DNAH10: variants seen among roughly 807,000 people sequenced by gnomAD.
DNAH10 encodes axonemal beta dynein heavy chain 10.
In DNAH10, 348 loss-of-function variants were observed where a neutral mutation model predicts 506.6. That is an observed-to-expected ratio of 0.69 (90% confidence interval 0.63 to 0.75). The LOEUF is 0.75. Ranked by LOEUF, DNAH10 falls within the 30% of genes least tolerant of loss-of-function variation. The probability of loss-of-function intolerance (pLI) is 0.00; values close to 1 mark genes in which losing one functional copy is unlikely to be tolerated. For synonymous variants in DNAH10, 2,059 were observed against 2,198.6 expected (o/e 0.94, Z 1.78); for missense variants, 5,179 against 5,787.1 (o/e 0.89, Z 3.41).
chr12:123,874,834 G>C (rs1163274509), intron 46 of DNAH10, among the ~76,000 whole-genome samples: 1 of 151,524 alleles, frequency 6.6e-6, no homozygotes, highest in Non-Finnish European at 1.5e-5. Context: ...CCCCTGGGTG[G>C]CACTGCATTG....
intron 66 of DNAH10, 44 bp downstream of exon 66, chr12:123,923,911 C>A: frequency 7.3e-7 from 1 of 1,368,516 alleles, no homozygotes. Context: ...TCCTTGCCCA[C>A]ATGATACATG....
chr12:123,866,717 A>G (rs558620062), intron 41 of DNAH10, among the ~76,000 whole-genome samples: 6 of 152,356 alleles, frequency 3.9e-5, no homozygotes, highest in African/African-American at 1.4e-4. Flanking sequence ...CTGTTGTGGC[A>G]TGAAAACAGC....
chr12:123,782,965 A>G, intron 6 of DNAH10, 142 bp from the exon 7 acceptor site: 1 of 624,132 alleles, frequency 1.6e-6, no homozygotes, highest in Non-Finnish European at 2.8e-6. Flanking sequence ...AATGAGATAC[A>G]GATATTATCA....
At position 123,919,700 on chromosome 12, in the gene DNAH10, A is replaced by G. The variant is rs987783399; in HGVS notation, c.11506+751A>G. The stretch of plus-strand genomic sequence containing the variant: ...TACTTGCTCTGAACACTTCATGTCA[A>G]TGGCATCATACGGTGTGTGACTTCA... On this transcript the variant is annotated intron_variant, in intron 65 of 78. Coordinates refer to ENST00000673944, the MANE Select transcript of DNAH10 (RefSeq NM_001372106.1). The surrounding 1 kb of genome is among the most constrained non-coding windows in gnomAD (Gnocchi z 4.9). Among the ~76,000 whole-genome samples the G allele has an allele frequency of 6.6e-6, 1 of 152,152 alleles. No homozygotes were observed. Among genetic ancestry groups the G allele is most frequent in the Non-Finnish European group, 1.5e-5 (1 of 68,042 alleles).
intron 47 of DNAH10, among the ~76,000 whole-genome samples, chr12:123,876,032 A>G (rs1317899620): frequency 6.6e-6 from 1 of 152,210 alleles, no homozygotes; most frequent in Admixed American, 6.5e-5. Context: ...ATTATGATTT[A>G]CTTGGCTCCT....
rs1385532111 is a variant in DNAH10, at chr12:123,845,587, G to A, written c.5361-13G>A. 1 of 1,611,446 alleles carries A rather than the reference G, an allele frequency of 6.2e-7. No homozygotes were observed. Among genetic ancestry groups the A allele is most frequent in the Admixed American group, 1.7e-5 (1 of 60,016 alleles). ...ATTGATCAGAGCCTCTTACAGGTGT[G>A]CGTTTTCTGCAGAGTCGACTGGATG... On this transcript the variant is annotated splice_polypyrimidine_tract_variant and intron_variant, in intron 30 of 78. Transcript: ENST00000673944.
chr12:123,813,330 T>A lies in DNAH10; in HGVS notation c.3311T>A (p.Leu1104His), dbSNP rs920709278. The change falls in exon 20 of 79, where the codon CTT becomes CAT. Residue 1104 changes from leucine (L) to histidine (H), a missense_variant. Around this residue, in one of 3 missense-constraint regions of DNAH10, gnomAD observed 4,844 missense variants for 5,430.5 expected, o/e 0.89. Coordinates refer to ENST00000673944, the MANE Select transcript of DNAH10 (RefSeq NM_001372106.1). ...PQNVHRILIN[L>H]MKYLQKWKRY... ...AATGTCCACAGGATTCTGATCAATCTTATGAAGTATCTACAAAAATGGAAG... is the reference window on the plus strand; with the variant it reads ...AATGTCCACAGGATTCTGATCAATCATATGAAGTATCTACAAAAATGGAAG... The A allele has an allele frequency of 3.7e-6, 6 of 1,614,100 alleles. No homozygotes were observed. The African/African-American group carries it at 6.7e-5, about 18-fold the overall frequency.
intron 10 of DNAH10, among the ~76,000 whole-genome samples, chr12:123,789,234 G>A (rs1346209690): frequency 2.6e-5 from 4 of 152,000 alleles, no homozygotes; most frequent in Admixed American, 2.6e-4. Context: ...GACAGAGCAA[G>A]ACTCTGTCCC....
Position 123,913,181 on chromosome 12 carries a change from G to A in DNAH10, c.10218G>A (p.Glu3406=). The change falls in exon 60 of 79, where the codon GAG becomes GAA. Residue 3406 remains glutamate, a synonymous_variant. Coordinates refer to ENST00000673944, the MANE Select transcript of DNAH10 (RefSeq NM_001372106.1). This position sits in a 1 kb window ranked among gnomAD's most constrained non-coding sequence, Gnocchi z 5.1. ...IQNELAAIQK[E]LETLGAKYEA... Reference sequence around the variant, plus strand: ...ATGAGTTGGCAGCAATTCAGAAAGAGCTGGAAACATTGGGTGCCAAATATG... The same window carrying A: ...ATGAGTTGGCAGCAATTCAGAAAGAACTGGAAACATTGGGTGCCAAATATG... 6.2e-7 allele frequency: 1 copy of A among 1,611,238 alleles called. No individual in the cohort carries two copies. Among genetic ancestry groups the A allele is most frequent in the Non-Finnish European group, 8.5e-7 (1 of 1,179,068 alleles).
In DNAH10 at chr12:123,857,474, A is replaced by C. The variant is rs138261020; in HGVS notation, c.6630+227A>C. On this transcript the variant is annotated intron_variant, in intron 37 of 78. Coordinates refer to ENST00000673944, the MANE Select transcript of DNAH10 (RefSeq NM_001372106.1). ...GCCGGGCACAGTGGCTTACGCCTGT[A>C]ATCCCAGCACTTCGGGAGGCTGAGG... Among the ~76,000 whole-genome samples the C allele has an allele frequency of 1.0e-3, 157 of 152,372 alleles. 1 individual carries two copies. Among genetic ancestry groups the C allele is most frequent in the African/African-American group, 3.4e-3 (143 of 41,594 alleles).
chr12:123,811,177 C>A (rs571237960), intron 19 of DNAH10, among the ~76,000 whole-genome samples: 10 of 152,288 alleles, frequency 6.6e-5, no homozygotes, highest in East Asian at 5.8e-4. Context: ...CTGAATTTTA[C>A]CTCCTCTACT....
rs748433281 is a variant in DNAH10 at position 123,853,397 on chromosome 12, G to A, written c.6438+45G>A. ...ACATTCTCTGGTTTCAGCTGCTTCAGGCATTTACTACGTGCCATTGGGGAG... is the reference window on the plus strand; with the variant it reads ...ACATTCTCTGGTTTCAGCTGCTTCAAGCATTTACTACGTGCCATTGGGGAG... On this transcript the variant is annotated intron_variant, in intron 36 of 78. Transcript: ENST00000673944. The surrounding 1 kb of genome is among the most constrained non-coding windows in gnomAD (Gnocchi z 4.7). 1 of 1,588,150 alleles carries A rather than the reference G, an allele frequency of 6.3e-7. No individual in the cohort carries two copies. The highest frequency in any genetic ancestry group is 2.3e-5 in the East Asian group (1 of 44,192).
At position 123,916,412 on chromosome 12, in the gene DNAH10, AC is replaced by A; in HGVS notation, c.10723-44del. On this transcript the variant is annotated intron_variant, in intron 62 of 78. Coordinates refer to ENST00000673944, the MANE Select transcript of DNAH10 (RefSeq NM_001372106.1). The surrounding 1 kb of genome is among the most constrained non-coding windows in gnomAD (Gnocchi z 4.6). ...TTCTCCCCTTATATTTGGCAGGGCC[AC>A]AGTTAAACGTGGGCTTTCAGCATCT... The A allele has an allele frequency of 6.4e-7, 1 of 1,565,968 alleles. No individual in the cohort carries two copies. Among genetic ancestry groups the A allele is most frequent in the South Asian group, 1.2e-5 (1 of 82,254 alleles).
chr12:123,845,512 G>A, intron 30 of DNAH10, 88 bp from the exon 31 acceptor site: 2 of 1,525,186 alleles, frequency 1.3e-6, no homozygotes, highest in Admixed American at 4.1e-5. Context: ...CCCTATTCCA[G>A]ATCAAAGAAA....
rs181445364 is a variant in DNAH10 at position 123,926,799 on chromosome 12, A to G, written c.12084A>G (p.Ala4028=). 7.4e-6 allele frequency: 12 copies of G among 1,613,948 alleles called. No individual in the cohort carries two copies. The highest frequency in any genetic ancestry group is 1.0e-5 in the Non-Finnish European group (12 of 1,179,880). The part of the protein sequence containing the change: ...GFGGNRLKFL[A]MGQGQEKVAL... ...GAGGAAATCGCCTCAAATTCCTTGC[A>G]ATGGGTCAAGGTCAAGAAAAGGTAA... The change falls in exon 69 of 79, where the codon GCA becomes GCG. Residue 4028 remains alanine (A), a synonymous_variant. Transcript: ENST00000673944. The surrounding 1 kb of genome is among the most constrained non-coding windows in gnomAD (Gnocchi z 4.1).
intron 44 of DNAH10, 77 bp downstream of exon 44, chr12:123,870,562 C>T: frequency 1.3e-6 from 2 of 1,527,138 alleles, no homozygotes; most frequent in East Asian, 2.4e-5. Flanking sequence ...AAGAAGATCC[C>T]ATGGCTTCTC....
At chr12:123,823,078 GGAA>G (rs1259936285) in intron 24 of DNAH10, among the ~76,000 whole-genome samples, 2 of 152,380 alleles carry the variant, frequency 1.3e-5, no homozygotes, top group East Asian at 3.9e-4. Context: ...TTGCAGAGGA[GGAA>G]GGAGAGTGGC....
intron 51 of DNAH10, among the ~76,000 whole-genome samples, chr12:123,884,153 G>A (rs1194267165): frequency 6.6e-6 from 1 of 152,170 alleles, no homozygotes; most frequent in East Asian, 1.9e-4. Context: ...TCCTGCCTCA[G>A]CCTCCTGAGT....
rs1481184937 is a variant in DNAH10 at position 123,788,090 on chromosome 12, G to A, written c.1620+88G>A. 4 of 1,469,362 alleles carry A rather than the reference G, an allele frequency of 2.7e-6. No homozygotes were observed. The East Asian group carries it at 9.9e-5, about 36-fold the overall frequency. 91.0% of individuals were successfully genotyped at this position (1,469,362 alleles called of 1,614,324 possible). A position where few individuals can be genotyped will look rare whatever the true frequency, so the allele number is the denominator to read the frequency against. On this transcript the variant is annotated intron_variant, in intron 10 of 78. Coordinates refer to ENST00000673944, the MANE Select transcript of DNAH10 (RefSeq NM_001372106.1). The stretch of plus-strand genomic sequence containing the variant: ...GCCCCCTCCGTGTCAGGTAGGAGCT[G>A]GGCGTCAGAAAGGGCCTGGCAGGGA...
Sources: allele counts gnomAD v4.1 joint callset (sites outside exome capture counted in the v4.1 genomes callset), GRCh38; gene constraint gnomAD v4.1.1; regional missense constraint gnomAD v4.1.1; non-coding constraint Gnocchi (gnomAD v3.1); transcripts MANE v1.5; gene names NCBI Gene and HGNC (gene_info 2026-07-23, HGNC 2026-07-21).